CCDC30: variants seen among roughly 807,000 people sequenced by gnomAD.
CCDC30 encodes coiled-coil domain-containing protein 30.
A neutral mutation model predicts 100.2 loss-of-function variants in CCDC30; 70 were observed. That is an observed-to-expected ratio of 0.70 (90% CI 0.58 to 0.85). The LOEUF (loss-of-function observed/expected upper bound fraction) is 0.85, where lower values mean the gene tolerates loss of function less well. Ranked by LOEUF, CCDC30 falls within the 40% of genes least tolerant of loss-of-function variation. CCDC30 has a pLI of 0.00. For synonymous variants in CCDC30, 233 were observed against 269.5 expected (o/e 0.86, Z 1.33); for missense variants, 652 against 771.2 (o/e 0.85, Z 1.83).
At chr1:42,554,308 C>T (rs1225357805) in intron 6 of CCDC30, among the ~76,000 whole-genome samples, 9 of 136,026 alleles carry the variant, frequency 6.6e-5, no homozygotes, top group African/African-American at 1.2e-4. Flanking sequence ...GACAGAGTTT[C>T]CCTCTGTCAT....
Position 42,596,754 on chromosome 1 carries a change from C to A in CCDC30, c.1164+7271C>A, listed in dbSNP as rs535755609. The stretch of plus-strand genomic sequence containing the variant: ...AAAGGCAAAAAAACAAACAAACAAA[C>A]AAACAAAAACAGTTTGAACAGACAG... On this transcript the variant is annotated intron_variant, in intron 10 of 16. Coordinates refer to ENST00000668663, the Ensembl canonical transcript of CCDC30. This position sits in a 1 kb window ranked among gnomAD's most constrained non-coding sequence, Gnocchi z 4.3. Among the ~76,000 whole-genome samples, 15 of 86,470 alleles carry A rather than the reference C, an allele frequency of 1.7e-4. No homozygotes were observed. Among genetic ancestry groups the A allele is most frequent in the African/African-American group, 3.3e-4 (8 of 24,402 alleles). The allele number at this position is 86,470 out of a possible 152,430, so 56.7% of individuals were successfully genotyped here. A position where few individuals can be genotyped will look rare whatever the true frequency, so the allele number is the denominator to read the frequency against.
intron 6 of CCDC30, among the ~76,000 whole-genome samples, chr1:42,516,795 T>C (rs1644561886): frequency 6.6e-6 from 1 of 152,134 alleles, no homozygotes; most frequent in Non-Finnish European, 1.5e-5. Context: ...AGCTCAGGTA[T>C]TGTTATAGCA....
chr1:42,577,591 C>T (rs1358309060), intron 8 of CCDC30, among the ~76,000 whole-genome samples: 1 of 152,002 alleles, frequency 6.6e-6, no homozygotes, highest in Admixed American at 6.6e-5. Flanking sequence ...TTTTCATTGA[C>T]AAACAATTGT....
chr1:42,520,307 A>G (rs1644617923), intron 6 of CCDC30, among the ~76,000 whole-genome samples: 1 of 149,744 alleles, frequency 6.7e-6, no homozygotes, highest in African/African-American at 2.4e-5. Flanking sequence ...TTTCATTTTC[A>G]TTGATCTTTA....
chr1:42,652,101 G>A (rs1406439317), intron 15 of CCDC30, among the ~76,000 whole-genome samples: 1 of 152,116 alleles, frequency 6.6e-6, no homozygotes, highest in East Asian at 1.9e-4. Flanking sequence ...GTGTGAAAAT[G>A]TGGTATATAT....
chr1:42,460,312 T>C, upstream of CCDC30: 1 of 991,626 alleles, frequency 1.0e-6, no homozygotes, highest in Non-Finnish European at 1.2e-6. Context: ...TGCTGAGCCA[T>C]GAGGATTAAA....
intron 6 of CCDC30, among the ~76,000 whole-genome samples, chr1:42,501,565 T>A (rs1394051816): frequency 1.3e-5 from 2 of 152,008 alleles, no homozygotes; most frequent in Admixed American, 6.6e-5. Context: ...TCTGCTCTGG[T>A]TTCTCCCCAT....
At chr1:42,535,861 T>A (rs1644895151) in intron 6 of CCDC30, among the ~76,000 whole-genome samples, 1 of 148,284 alleles carries the variant, frequency 6.7e-6, no homozygotes, top group African/African-American at 2.5e-5. Context: ...TAGGTTTTTT[T>A]ACATAACAGA....
Position 42,637,304 on chromosome 1 carries a change from G to A in CCDC30, c.1345G>A (p.Glu449Lys), listed in dbSNP as rs1647179710. 6.3e-7 allele frequency: 1 copy of A among 1,583,304 alleles called. No homozygotes were observed. The highest frequency in any genetic ancestry group is 1.4e-5 in the African/African-American group (1 of 72,594). The change falls in exon 12 of 17, where the codon GAA becomes AAA. Residue 449 changes from glutamate (E) to lysine (K), a missense_variant. Transcript: ENST00000668663. ...AAAAGTCAAGTATCGTTTAACTAAT[G>A]AAGTAGAACTACGAGATAAGAGAAT...
chr1:42,557,562 G>A (rs1176337147), intron 6 of CCDC30, among the ~76,000 whole-genome samples: 1 of 149,158 alleles, frequency 6.7e-6, no homozygotes, highest in Non-Finnish European at 1.5e-5. Flanking sequence ...AGTATTTTAT[G>A]AAGTTCATTT....
Position 42,633,295 on chromosome 1 carries a change from G to C in CCDC30, c.1278-3942G>C, listed in dbSNP as rs376920586. On this transcript the variant is annotated intron_variant, in intron 11 of 16. Coordinates refer to ENST00000668663, the Ensembl canonical transcript of CCDC30. ...TCTCTGGGCCTGATGAATTTTGCATGCTTCACATAGCTCAGACTGCTCTGA... is the reference window on the plus strand; with the variant it reads ...TCTCTGGGCCTGATGAATTTTGCATCCTTCACATAGCTCAGACTGCTCTGA... 7.9e-5 allele frequency among the ~76,000 whole-genome samples: 12 copies of C among 152,256 alleles called. No individual in the cohort carries two copies. In the South Asian group the frequency reaches 1.2e-3, roughly 16 times the overall value.
At chr1:42,635,522 A>G (rs1442392624) in intron 11 of CCDC30, among the ~76,000 whole-genome samples, 1 of 151,684 alleles carries the variant, frequency 6.6e-6, no homozygotes, top group Non-Finnish European at 1.5e-5. Context: ...TCAAATGGCA[A>G]CTCTAGGCCA....
intron 9 of CCDC30, among the ~76,000 whole-genome samples, chr1:42,586,896 C>G (rs1056114453): frequency 1.3e-5 from 2 of 152,212 alleles, no homozygotes; most frequent in African/African-American, 4.8e-5. Flanking sequence ...TAATTTTATT[C>G]ATTGGCAGAC....
chr1:42,628,849 T>C (rs1211495499), intron 11 of CCDC30, among the ~76,000 whole-genome samples: 1 of 152,210 alleles, frequency 6.6e-6, no homozygotes, highest in African/African-American at 2.4e-5. Flanking sequence ...CACTATCTTA[T>C]AGCTAATTAT....
At chr1:42,463,459 A>T (rs2275117) in exon 1 of CCDC30, 1 of 151,980 alleles carries the variant, frequency 6.6e-6, no homozygotes, top group Non-Finnish European at 1.5e-5. Context: ...TTTCCGCATT[A>T]CGGGCCTTTT....
chr1:42,604,568 C>G (rs1050047275), intron 10 of CCDC30, among the ~76,000 whole-genome samples: 4 of 152,194 alleles, frequency 2.6e-5, no homozygotes, highest in African/African-American at 9.7e-5. Context: ...CTCCATTTTT[C>G]ACCTCATTTC....
chr1:42,459,930 A>G (rs1643364423), upstream of CCDC30: 2 of 1,600,312 alleles, frequency 1.2e-6, no homozygotes, highest in Non-Finnish European at 1.7e-6. Flanking sequence ...AAACTGAAGT[A>G]AAAAGCCCTT....
chr1:42,584,319 A>G (rs1029978342), intron 9 of CCDC30, among the ~76,000 whole-genome samples: 3 of 152,220 alleles, frequency 2.0e-5, no homozygotes, highest in Admixed American at 1.3e-4. Context: ...GCCTGGCACC[A>G]GTGGCTCACA....
intron 6 of CCDC30, among the ~76,000 whole-genome samples, chr1:42,520,862 T>C (rs1001419275): frequency 4.6e-5 from 7 of 151,252 alleles, no homozygotes; most frequent in African/African-American, 1.7e-4. Flanking sequence ...TTAGCCAGGA[T>C]GGTCTTGATC....
Sources: gnomAD v4.1 joint callset for allele counts (sites outside exome capture counted in the v4.1 genomes callset) on GRCh38, gnomAD v4.1.1 for gene constraint, Gnocchi (gnomAD v3.1) non-coding constraint, MANE v1.5 for transcripts, NCBI Gene and HGNC (gene_info 2026-07-23, HGNC 2026-07-21) for gene names.